IQCM: variants seen among roughly 807,000 people sequenced by gnomAD.
IQCM encodes IQ domain-containing protein M.
Under a neutral mutation model 57.6 loss-of-function variants are expected in IQCM, and 45 were observed. The ratio of observed to expected loss-of-function variants is 0.78; its 90% CI spans 0.62 to 1.00. The LOEUF is 1.00. Among genes scored for constraint, IQCM ranks in the 50% least tolerant of loss-of-function variants. The pLI, the probability that IQCM is intolerant of heterozygous loss-of-function variation, is 0.00. For synonymous variants in IQCM, 148 were observed against 158.9 expected (o/e 0.93, Z 0.51); for missense variants, 468 against 511.6 (o/e 0.91, Z 0.82).
At chr4:149,361,215 T>G (rs1447885462) in intron 13 of IQCM, among the ~76,000 whole-genome samples, 4 of 152,186 alleles carry the variant, frequency 2.6e-5, no homozygotes, top group Non-Finnish European at 5.9e-5. Flanking sequence ...AAGAAGTGAC[T>G]TGGGTACTGT....
At chr4:149,498,608 G>A (rs564716255) in intron 12 of IQCM, among the ~76,000 whole-genome samples, 64 of 152,238 alleles carry the variant, frequency 4.2e-4, no homozygotes, top group East Asian at 3.9e-4. Context: ...TCAGGAAACC[G>A]CAGTAGGGAG....
chr4:149,782,482 C>T (rs922523509), intron 2 of IQCM, among the ~76,000 whole-genome samples: 1 of 151,770 alleles, frequency 6.6e-6, no homozygotes, highest in Non-Finnish European at 1.5e-5. Flanking sequence ...TGGTGGCACA[C>T]AGCTATAGTC....
chr4:149,429,046 C>A lies in IQCM; in HGVS notation c.1390+4350G>T, dbSNP rs566790712. 2.1e-3 allele frequency among the ~76,000 whole-genome samples: 321 copies of A among 151,928 alleles called. 4 individuals are homozygous for A. The highest frequency in any genetic ancestry group is 7.4e-3 in the African/African-American group (309 of 41,516). ...TCATTTGTATTCCCTAAGTGATTTT[C>A]TAGAAAGATAATAGCTAATCCACCC... On this transcript the variant is annotated intron_variant, in intron 13 of 13. Transcript: ENST00000636793.
At chr4:149,532,236 T>C (rs1173658881) in intron 12 of IQCM, among the ~76,000 whole-genome samples, 1 of 152,070 alleles carries the variant, frequency 6.6e-6, no homozygotes, top group Non-Finnish European at 1.5e-5. Context: ...CTAATAAATA[T>C]AAGAGCAGCA....
At chr4:149,417,934 T>C (rs112153671) in intron 13 of IQCM, among the ~76,000 whole-genome samples, 100 of 151,498 alleles carry the variant, frequency 6.6e-4, no homozygotes, top group African/African-American at 2.3e-3. Context: ...TTATCACCTA[T>C]ATAGTCTTGA....
chr4:149,632,083 C>A (rs1579777849), intron 7 of IQCM, among the ~76,000 whole-genome samples: 1 of 152,186 alleles, frequency 6.6e-6, no homozygotes, highest in African/African-American at 2.4e-5. Context: ...GTGAACCAAC[C>A]TCACCAGTTC....
At chr4:149,462,956 G>C (rs1442726413) in intron 12 of IQCM, among the ~76,000 whole-genome samples, 1 of 152,138 alleles carries the variant, frequency 6.6e-6, no homozygotes, top group East Asian at 1.9e-4. Context: ...ATAAATAAAA[G>C]TTCTCTGTCC....
intron 7 of IQCM, among the ~76,000 whole-genome samples, chr4:149,651,426 G>A (rs918069702): frequency 5.3e-5 from 8 of 152,086 alleles, no homozygotes; most frequent in Non-Finnish European, 1.2e-4. Context: ...ACCTGGCTAG[G>A]AGAAATAAAG....
At chr4:149,395,816 T>C (rs1260233973) in intron 13 of IQCM, among the ~76,000 whole-genome samples, 1 of 152,012 alleles carries the variant, frequency 6.6e-6, no homozygotes, top group Non-Finnish European at 1.5e-5. Flanking sequence ...ACTAGACATT[T>C]TGCATCTTAT....
chr4:149,388,845 C>T (rs1019883809), intron 13 of IQCM, among the ~76,000 whole-genome samples: 1 of 148,758 alleles, frequency 6.7e-6, no homozygotes, highest in Non-Finnish European at 1.5e-5. Flanking sequence ...AATTAGGTTG[C>T]CTTTTATTAT....
intron 12 of IQCM, among the ~76,000 whole-genome samples, chr4:149,465,553 AC>A (rs1281040796): frequency 6.6e-6 from 1 of 152,082 alleles, no homozygotes; most frequent in Non-Finnish European, 1.5e-5. Context: ...CTTTCACCCC[AC>A]TATACAATCA....
chr4:149,558,410 A>T (rs970425598), intron 10 of IQCM, among the ~76,000 whole-genome samples: 1 of 152,206 alleles, frequency 6.6e-6, no homozygotes, highest in Non-Finnish European at 1.5e-5. Flanking sequence ...TAATTTATTA[A>T]AAACATGTAT....
chr4:149,359,033 G>T (rs1416730290), intron 13 of IQCM, among the ~76,000 whole-genome samples: 2 of 151,942 alleles, frequency 1.3e-5, no homozygotes, highest in Non-Finnish European at 2.9e-5. Flanking sequence ...GGGACATCAA[G>T]GAAATTTCCC....
chr4:149,505,756 C>T (rs956237499), intron 12 of IQCM, among the ~76,000 whole-genome samples: 2 of 152,084 alleles, frequency 1.3e-5, no homozygotes, highest in African/African-American at 4.8e-5. Context: ...TTCTCTCACC[C>T]CTCCATTCTC....
At chr4:149,660,739 A>AG (rs968546105) in intron 7 of IQCM, among the ~76,000 whole-genome samples, 120 of 152,070 alleles carry the variant, frequency 7.9e-4, no homozygotes, top group African/African-American at 2.7e-3. Context: ...AGGACAAAAA[A>AG]CCAAACACCG....
chr4:149,675,421 C>T (rs1761668254), intron 7 of IQCM, among the ~76,000 whole-genome samples: 2 of 151,894 alleles, frequency 1.3e-5, no homozygotes, highest in Non-Finnish European at 2.9e-5. Context: ...AAACCAGCAC[C>T]ACCTGAAAGG....
intron 12 of IQCM, among the ~76,000 whole-genome samples, chr4:149,489,321 T>G (rs1374994455): frequency 6.6e-6 from 1 of 152,118 alleles, no homozygotes; most frequent in Non-Finnish European, 1.5e-5. Flanking sequence ...GAATGCTGTT[T>G]TAATGCATTC....
intron 5 of IQCM, among the ~76,000 whole-genome samples, chr4:149,714,770 T>C (rs1274551832): frequency 6.6e-6 from 1 of 152,210 alleles, no homozygotes; most frequent in African/African-American, 2.4e-5. Flanking sequence ...CAAGGGTTAC[T>C]TGAATACAAG....
intron 8 of IQCM, among the ~76,000 whole-genome samples, chr4:149,589,063 C>T (rs1752890572): frequency 6.6e-6 from 1 of 151,926 alleles, no homozygotes; most frequent in African/African-American, 2.4e-5. Flanking sequence ...GGGCCATTGC[C>T]TGTCTGGTCA....
Sources: gnomAD v4.1 joint callset for allele counts (sites outside exome capture counted in the v4.1 genomes callset) on GRCh38, gnomAD v4.1.1 for gene constraint, MANE v1.5 for transcripts, NCBI Gene and HGNC (gene_info 2026-07-23, HGNC 2026-07-21) for gene names.